The following PACSIN2 variants were observed in gnomAD, a reference collection of about 807,000 sequenced individuals.
PACSIN2 encodes the protein protein kinase C and casein kinase substrate in neurons 2.
PACSIN2 carries 25 observed loss-of-function variants against 63.8 expected under a neutral mutation model. That is an observed-to-expected ratio of 0.39 (90% confidence interval 0.29 to 0.55). The LOEUF is 0.55. PACSIN2 is among the 20% of genes least tolerant of loss of function. The pLI, the probability that PACSIN2 is intolerant of heterozygous loss-of-function variation, is 0.62. For missense variants in PACSIN2, 518 were observed against 646.9 expected, an observed-to-expected ratio of 0.80 and a Z score of 2.16; for synonymous variants, 255 against 256.2, an observed-to-expected ratio of 1.00 and a Z score of 0.05.
At chr22:42,942,935 CT>C (rs1180195619) in intron 1 of PACSIN2, among the ~76,000 whole-genome samples, 2 of 152,138 alleles carry the variant, frequency 1.3e-5, no homozygotes, top group Non-Finnish European at 2.9e-5. Flanking sequence ...TGGCTTGTTG[CT>C]TTGGGATTTT....
chr22:42,989,457 G>A (rs537553347), intron 1 of PACSIN2, among the ~76,000 whole-genome samples: 1 of 147,832 alleles, frequency 6.8e-6, no homozygotes, highest in African/African-American at 2.5e-5. Flanking sequence ...GAGATCACAC[G>A]ATTGCACTCC....
At chr22:43,005,143 T>C (rs75941774) in intron 1 of PACSIN2, among the ~76,000 whole-genome samples, 2,005 of 152,338 alleles carry the variant, frequency 0.013, 42 homozygotes, top group African/African-American at 0.045. Flanking sequence ...CACTGCTGCG[T>C]GTTATCTTAA....
Position 42,949,696 on chromosome 22 carries a change from TCACA to T in PACSIN2, c.-77-37543_-77-37540del, listed in dbSNP as rs1303729403. Among the ~76,000 whole-genome samples the T allele has an allele frequency of 5.4e-5, 8 of 148,380 alleles. No individual in the cohort carries two copies. The South Asian group carries it at 1.1e-3, about 20-fold the overall frequency. ...CACACATACACTCACACACACACAC[TCACA>T]CACACTCTCTCACACACACACACAC... is the stretch of plus-strand genomic sequence containing the variant. On this transcript the variant is annotated intron_variant, in intron 1 of 10. Transcript: ENST00000263246.
intron 1 of PACSIN2, among the ~76,000 whole-genome samples, chr22:43,000,719 G>T (rs1220207678): frequency 6.6e-6 from 1 of 152,032 alleles, no homozygotes; most frequent in Non-Finnish European, 1.5e-5. Context: ...GCAAGACTAA[G>T]AAGAAAAGAA....
In PACSIN2 at chr22:42,983,062, A is replaced by C. The variant is rs577556737; in HGVS notation, c.-78+31959T>G. Among the ~76,000 whole-genome samples, 3 of 151,860 alleles carry C rather than the reference A, an allele frequency of 2.0e-5. No homozygotes were observed. The East Asian group carries it at 5.8e-4, about 29-fold the overall frequency. Reference sequence around the variant, plus strand: ...CCGGGCACAGTGGCTTACAACTGTAATTCCAGCACTTTGGGAAGCTGAGGC... The same window carrying C: ...CCGGGCACAGTGGCTTACAACTGTACTTCCAGCACTTTGGGAAGCTGAGGC... On this transcript the variant is annotated intron_variant, in intron 1 of 10. Transcript: ENST00000263246.
intron 1 of PACSIN2, among the ~76,000 whole-genome samples, chr22:43,000,339 C>G (rs1186325538): frequency 2.6e-5 from 4 of 152,194 alleles, no homozygotes; most frequent in African/African-American, 9.7e-5. Context: ...CAACTCTACC[C>G]CAAGGAGAGA....
At chr22:42,975,471 T>TATATATACAC (rs1443901820) in intron 1 of PACSIN2, among the ~76,000 whole-genome samples, 1 of 149,012 alleles carries the variant, frequency 6.7e-6, no homozygotes, top group African/African-American at 2.5e-5. Flanking sequence ...TATATATATA[T>TATATATACAC]AGCATGCACA....
intron 1 of PACSIN2, among the ~76,000 whole-genome samples, chr22:42,921,540 C>G (rs1031326999): frequency 1.3e-5 from 2 of 152,046 alleles, no homozygotes; most frequent in Non-Finnish European, 1.5e-5. Context: ...TCAGCCCTAC[C>G]CTTTCATAAA....
intron 1 of PACSIN2, among the ~76,000 whole-genome samples, chr22:42,990,025 TGTATATATATGTATATATATATATATAC>T: frequency 4.2e-5 from 1 of 23,788 alleles, no homozygotes. Flanking sequence ...TACACACATA[TGTATATATATGTATATATATATATATAC>T]ACACACATAT....
intron 1 of PACSIN2, among the ~76,000 whole-genome samples, chr22:42,919,772 C>CAAA (rs761464603): frequency 1.8e-3 from 89 of 48,708 alleles, no homozygotes; most frequent in African/African-American, 4.8e-3. Flanking sequence ...GAACCTGTCT[C>CAAA]AAAAAAAAAA....
intron 1 of PACSIN2, among the ~76,000 whole-genome samples, chr22:42,976,320 A>G (rs544321031): frequency 4.3e-4 from 65 of 152,382 alleles, no homozygotes; most frequent in African/African-American, 1.5e-3. Flanking sequence ...GAGCAAGGCC[A>G]GAAGCTACAC....
At chr22:42,910,454 G>C (rs543199605) in intron 2 of PACSIN2, among the ~76,000 whole-genome samples, 2 of 152,138 alleles carry the variant, frequency 1.3e-5, no homozygotes, top group African/African-American at 2.4e-5. Context: ...CAGCCTCTCT[G>C]GGGGGGCCAG....
rs1355602586 is a variant in PACSIN2, at chr22:42,877,014, T to C, written c.1029-4A>G. On this transcript the variant is annotated splice_polypyrimidine_tract_variant and splice_region_variant and intron_variant, in intron 8 of 10. Coordinates refer to ENST00000263246, the MANE Select transcript of PACSIN2 (RefSeq NM_001184970.3). ...GTTGCTCGGGACATTAAGGGTGCTA[T>C]GGAGAGAGAGAGCTTTCAGGGGATC... 6 of 1,613,938 alleles carry C rather than the reference T, an allele frequency of 3.7e-6. No individual in the cohort carries two copies. The highest frequency in any genetic ancestry group is 1.7e-5 in the Admixed American group (1 of 60,010).
At chr22:42,945,183 G>A (rs1364138992) in intron 1 of PACSIN2, among the ~76,000 whole-genome samples, 3 of 151,582 alleles carry the variant, frequency 2.0e-5, no homozygotes, top group Non-Finnish European at 4.4e-5. Flanking sequence ...AGTCTGCACA[G>A]TGACTAGATG....
intron 1 of PACSIN2, among the ~76,000 whole-genome samples, chr22:43,007,509 C>T (rs1261184955): frequency 1.3e-5 from 2 of 152,160 alleles, no homozygotes; most frequent in Non-Finnish European, 2.9e-5. Context: ...ACCCCTCTCT[C>T]CCAGCCACTC....
At chr22:42,964,418 GAA>G (rs34545773) in intron 1 of PACSIN2, among the ~76,000 whole-genome samples, 4 of 135,246 alleles carry the variant, frequency 3.0e-5, no homozygotes, top group African/African-American at 5.5e-5. Flanking sequence ...ACTCCGTCTG[GAA>G]AAAAAAAAAA....
chr22:43,006,899 G>C (rs1428172222), intron 1 of PACSIN2, among the ~76,000 whole-genome samples: 1 of 152,214 alleles, frequency 6.6e-6, no homozygotes, highest in African/African-American at 2.4e-5. Flanking sequence ...AAGAGAATGA[G>C]TCAAGGCTGA....
chr22:42,944,334 C>G (rs1296047864), intron 1 of PACSIN2, among the ~76,000 whole-genome samples: 1 of 152,086 alleles, frequency 6.6e-6, no homozygotes, highest in Non-Finnish European at 1.5e-5. Context: ...AAATATAATA[C>G]AACAAATTCC....
intron 1 of PACSIN2, among the ~76,000 whole-genome samples, chr22:42,988,712 A>T (rs989723356): frequency 6.6e-6 from 1 of 152,244 alleles, no homozygotes; most frequent in Admixed American, 6.5e-5. Context: ...TCAAGAAGGG[A>T]TACCAAACTT....
Sources: gnomAD v4.1 joint callset for allele counts (sites outside exome capture counted in the v4.1 genomes callset) on GRCh38, gnomAD v4.1.1 for gene constraint, MANE v1.5 for transcripts, NCBI Gene and HGNC (gene_info 2026-07-23, HGNC 2026-07-21) for gene names.